Variants in JAM3 observed in about 807,000 individuals in gnomAD.
JAM3 encodes junctional adhesion molecule 3, also known as junctional adhesion molecule C.
Under a neutral mutation model 39.4 loss-of-function variants are expected in JAM3, and 31 were observed. The ratio of observed to expected loss-of-function variants is 0.79; its 90% CI spans 0.59 to 1.06. The LOEUF is 1.06. JAM3 is among the 50% of genes least tolerant of loss of function. The probability of loss-of-function intolerance (pLI) is 0.00; values close to 1 mark genes in which losing one functional copy is unlikely to be tolerated. For missense variants in JAM3, 455 were observed against 391.4 expected (o/e 1.16, Z -1.37); for synonymous variants, 182 against 148.7 (o/e 1.22, Z -1.63).
At chr11:134,092,760 A>G (rs1196800920) in intron 1 of JAM3, among the ~76,000 whole-genome samples, 1 of 135,190 alleles carries the variant, frequency 7.4e-6, no homozygotes, top group Non-Finnish European at 1.6e-5. Flanking sequence ...CTCCTTATTC[A>G]TCATGTTCCA....
chr11:134,132,315 C>T (rs1420495201), intron 1 of JAM3, among the ~76,000 whole-genome samples: 1 of 152,146 alleles, frequency 6.6e-6, no homozygotes, highest in Admixed American at 6.5e-5. Context: ...AACACAAATT[C>T]TATATCCAGC....
At position 134,146,074 on chromosome 11, in the gene JAM3, C is replaced by G. The variant is rs201197644; in HGVS notation, c.712+29C>G. 4 of 1,390,096 alleles carry G rather than the reference C, an allele frequency of 2.9e-6. No individual in the cohort carries two copies. In the East Asian group the frequency reaches 6.8e-5, roughly 24 times the overall value. The allele number at this position is 1,390,096 out of a possible 1,614,324, so 86.1% of individuals were successfully genotyped here. A position where few individuals can be genotyped will look rare whatever the true frequency, so the allele number is the denominator to read the frequency against. On this transcript the variant is annotated intron_variant, in intron 6 of 8. Transcript: ENST00000299106. ...AGTTTCTTTTTTGAAGAGGTTTCAT[C>G]GCAAGACTGGGAAGTGAATAGAACA...
intron 1 of JAM3, among the ~76,000 whole-genome samples, chr11:134,086,352 T>A (rs1242778612): frequency 6.6e-6 from 1 of 152,202 alleles, no homozygotes; most frequent in African/African-American, 2.4e-5. Flanking sequence ...TTTTAAAATC[T>A]ATTTTCCTAT....
rs181548938 is a variant in JAM3 at position 134,102,496 on chromosome 11, G to A, written c.76+33337G>A. Among the ~76,000 whole-genome samples the A allele has an allele frequency of 7.9e-5, 12 of 152,260 alleles. No homozygotes were observed. In the East Asian group the frequency reaches 1.7e-3, roughly 22 times the overall value. On this transcript the variant is annotated intron_variant, in intron 1 of 8. Transcript: ENST00000299106. ...AGGACCGCAGCTCCTCACCAGCAACGGAACAAAGCTGGACACAGAATGACT... is the reference window on the plus strand; with the variant it reads ...AGGACCGCAGCTCCTCACCAGCAACAGAACAAAGCTGGACACAGAATGACT...
At chr11:134,110,227 A>G (rs1249543198) in intron 1 of JAM3, among the ~76,000 whole-genome samples, 2 of 152,194 alleles carry the variant, frequency 1.3e-5, no homozygotes, top group Non-Finnish European at 2.9e-5. Flanking sequence ...GGAATGTAAA[A>G]TGGTAAGACC....
chr11:134,105,673 T>C (rs1250584920), intron 1 of JAM3, among the ~76,000 whole-genome samples: 2 of 151,900 alleles, frequency 1.3e-5, no homozygotes, highest in Admixed American at 1.3e-4. Flanking sequence ...ACAAAATCAA[T>C]GTCCAGACAT....
In JAM3 at chr11:134,115,395, C is replaced by A. The variant is rs146317096; in HGVS notation, c.77-24456C>A. On this transcript the variant is annotated intron_variant, in intron 1 of 8. Transcript: ENST00000299106. ...AGTTAGGTTTAAGTCTTTTCTCTTGCATTTGTTTTCCTTTGTTTCATCTGT... is the reference window on the plus strand; with the variant it reads ...AGTTAGGTTTAAGTCTTTTCTCTTGAATTTGTTTTCCTTTGTTTCATCTGT... Among the ~76,000 whole-genome samples the A allele has an allele frequency of 1.3e-3, 192 of 150,794 alleles. 2 individuals carry two copies. The highest frequency in any genetic ancestry group is 4.5e-3 in the African/African-American group (183 of 40,690).
chr11:134,127,509 G>A (rs1453527727), intron 1 of JAM3, among the ~76,000 whole-genome samples: 1 of 152,098 alleles, frequency 6.6e-6, no homozygotes, highest in African/African-American at 2.4e-5. Flanking sequence ...GACCAGCCTG[G>A]CCAACATGGT....
At chr11:134,142,284 A>T (rs1942989215) in intron 3 of JAM3, among the ~76,000 whole-genome samples, 1 of 152,178 alleles carries the variant, frequency 6.6e-6, no homozygotes, top group Non-Finnish European at 1.5e-5. Flanking sequence ...TCCTCGCCTC[A>T]GTGCAGGGCT....
At chr11:134,079,082 T>C (rs1016369233) in intron 1 of JAM3, among the ~76,000 whole-genome samples, 3 of 152,146 alleles carry the variant, frequency 2.0e-5, no homozygotes, top group African/African-American at 7.2e-5. Flanking sequence ...GCTTTTTTTT[T>C]CATCGCATAC....
chr11:134,096,502 ATTATG>A (rs756197309), intron 1 of JAM3, among the ~76,000 whole-genome samples: 3 of 152,016 alleles, frequency 2.0e-5, no homozygotes, highest in African/African-American at 4.8e-5. Context: ...GTAGTGTTTT[ATTATG>A]TTATGTTATT....
At chr11:134,120,352 A>G (rs772481195) in intron 1 of JAM3, among the ~76,000 whole-genome samples, 77 of 152,342 alleles carry the variant, frequency 5.1e-4, no homozygotes, top group Non-Finnish European at 8.8e-4. Context: ...AATGCCAGCA[A>G]GCTAAATATA....
chr11:134,107,598 A>G (rs921340669), intron 1 of JAM3, among the ~76,000 whole-genome samples: 3 of 152,218 alleles, frequency 2.0e-5, no homozygotes, highest in South Asian at 2.1e-4. Context: ...ACAGCATGAA[A>G]GACCTATATT....
rs3216140 is a variant in JAM3, at chr11:134,144,778, C to CCTT, written c.410-14_410-13insCTT. 0.1 allele frequency: 162,805 copies of CCTT among 1,610,390 alleles called. 12,174 individuals carry two copies. The highest frequency in any genetic ancestry group is 0.32 in the East Asian group (14,401 of 44,818). On this transcript the variant is annotated splice_polypyrimidine_tract_variant and intron_variant, in intron 4 of 8. Coordinates refer to ENST00000299106, the MANE Select transcript of JAM3 (RefSeq NM_032801.5). Reference sequence around the variant, plus strand: ...GTCACTGAGATCTTAAACACCACCCCTTTTTCCCCACAGTGAAGCCAGTGA... The same window carrying CCTT: ...GTCACTGAGATCTTAAACACCACCCCCTTTTTTTCCCCACAGTGAAGCCAGTGA...
intron 1 of JAM3, among the ~76,000 whole-genome samples, chr11:134,086,873 G>T (rs1215288631): frequency 6.6e-6 from 1 of 151,916 alleles, no homozygotes; most frequent in African/African-American, 2.4e-5. Flanking sequence ...TGGAGAACAC[G>T]GTTCGCTGCA....
In JAM3 at chr11:134,150,768, A is replaced by C. The variant is rs912658684; in HGVS notation, c.*1587A>C. On this transcript the variant is annotated 3_prime_UTR_variant, in exon 9 of 9. Transcript: ENST00000299106. ...ATGGATCCCACTGTTCCTCTTTGCCACAGAGAAAGCACCCAGACGCCACAG... is the reference window on the plus strand; with the variant it reads ...ATGGATCCCACTGTTCCTCTTTGCCCCAGAGAAAGCACCCAGACGCCACAG... 2 of 152,178 alleles carry C rather than the reference A, an allele frequency of 1.3e-5. No homozygotes were observed. The highest frequency in any genetic ancestry group is 2.9e-5 in the Non-Finnish European group (2 of 68,046). 9.4% of individuals were successfully genotyped at this position (152,178 alleles called of 1,614,324 possible).
intron 1 of JAM3, among the ~76,000 whole-genome samples, chr11:134,137,704 TGGCCAGTAGTCCCTTAG>T (rs1250419828): frequency 4.3e-3 from 646 of 149,612 alleles, no homozygotes; most frequent in African/African-American, 9.9e-3. Context: ...GAAATGTTTA[TGGCCAGTAGTCCCTTAG>T]AGCCAGTGGT....
chr11:134,139,426 CAA>C (rs1286362243), intron 1 of JAM3, among the ~76,000 whole-genome samples: 1 of 152,144 alleles, frequency 6.6e-6, no homozygotes, highest in African/African-American at 2.4e-5. Flanking sequence ...AGTTCCAGCC[CAA>C]GAGTCTGGCC....
intron 6 of JAM3, among the ~76,000 whole-genome samples, chr11:134,147,459 C>CAAAA (rs557379286): frequency 0.031 from 2,193 of 70,806 alleles, 86 homozygotes; most frequent in African/African-American, 0.043. Flanking sequence ...GACTCTGTCT[C>CAAAA]AAAAAAAAAA....
Sources: allele counts gnomAD v4.1 joint callset (sites outside exome capture counted in the v4.1 genomes callset), GRCh38; gene constraint gnomAD v4.1.1; transcripts MANE v1.5; gene names NCBI Gene and HGNC (gene_info 2026-07-23, HGNC 2026-07-21).